GPHN: variants seen among roughly 807,000 people sequenced by gnomAD.
GPHN encodes the protein gephyrin.
Under a neutral mutation model 95.5 loss-of-function variants are expected in GPHN, and 17 were observed. The ratio of observed to expected loss-of-function variants is 0.18; its 90% CI spans 0.12 to 0.27. The LOEUF is 0.27. GPHN is among the 10% of genes least tolerant of loss of function. The pLI is 1.00. For missense variants in GPHN, 660 were observed against 978.1 expected, an observed-to-expected ratio of 0.67 and a Z score of 4.34; for synonymous variants, 320 against 322.5, an observed-to-expected ratio of 0.99 and a Z score of 0.08.
chr14:66,725,452 G>A (rs962681808), intron 2 of GPHN, among the ~76,000 whole-genome samples: 3 of 152,082 alleles, frequency 2.0e-5, no homozygotes, highest in African/African-American at 7.2e-5. Context: ...TTTTTCAAGT[G>A]AGGACAGGAC....
chr14:66,641,602 A>G (rs1023899940), intron 1 of GPHN, among the ~76,000 whole-genome samples: 3 of 151,930 alleles, frequency 2.0e-5, no homozygotes, highest in Non-Finnish European at 4.4e-5. Context: ...GGGAGAATTT[A>G]TGATGCTGTC....
the GPHN span, among the ~76,000 whole-genome samples, chr14:67,717,263 C>T: frequency 6.6e-6 from 1 of 152,112 alleles, no homozygotes; most frequent in African/African-American, 2.4e-5. Flanking sequence ...AGAACATTTC[C>T]ATCACCTCAG....
chr14:67,380,672 T>A, the GPHN span: 4 of 1,559,408 alleles, frequency 2.6e-6, no homozygotes, highest in South Asian at 4.9e-5. Flanking sequence ...CCCATCTATT[T>A]TGGATAGTTT....
intron 3 of GPHN, among the ~76,000 whole-genome samples, chr14:66,797,669 G>A (rs1595933065): frequency 1.3e-5 from 2 of 151,814 alleles, no homozygotes; most frequent in East Asian, 3.8e-4. Context: ...ATTTTTGTAT[G>A]TTGATTTTGT....
At chr14:67,478,547 C>T in the GPHN span, among the ~76,000 whole-genome samples, 5 of 151,820 alleles carry the variant, frequency 3.3e-5, no homozygotes, top group Admixed American at 1.3e-4. Flanking sequence ...AATGCAAATC[C>T]GATGTTTCTC....
At chr14:66,697,730 C>T (rs1170339111) in intron 2 of GPHN, among the ~76,000 whole-genome samples, 4 of 145,072 alleles carry the variant, frequency 2.8e-5, no homozygotes, top group African/African-American at 5.3e-5. Context: ...CTCTTTCACT[C>T]AGGCTGGAGT....
chr14:66,698,047 G>A (rs936093939), intron 2 of GPHN, among the ~76,000 whole-genome samples: 5 of 151,988 alleles, frequency 3.3e-5, no homozygotes, highest in African/African-American at 9.7e-5. Context: ...TGACCCATTC[G>A]AAAGCACTTT....
chr14:66,902,514 G>C (rs1423509536), intron 5 of GPHN, among the ~76,000 whole-genome samples: 1 of 151,964 alleles, frequency 6.6e-6, no homozygotes, highest in African/African-American at 2.4e-5. Flanking sequence ...GTCATATATG[G>C]TCTTTATTAT....
intron 2 of GPHN, among the ~76,000 whole-genome samples, chr14:66,742,567 G>A (rs751081298): frequency 3.3e-5 from 5 of 152,092 alleles, no homozygotes; most frequent in Non-Finnish European, 7.4e-5. Context: ...TAGAAGAAAC[G>A]GTGACAGTTT....
At chr14:67,217,334 G>A in the GPHN span, among the ~76,000 whole-genome samples, 1 of 152,082 alleles carries the variant, frequency 6.6e-6, no homozygotes, top group Non-Finnish European at 1.5e-5. Context: ...GCAGCATATA[G>A]TTGGGTCATT....
intron 10 of GPHN, among the ~76,000 whole-genome samples, chr14:67,029,821 G>A (rs1050558420): frequency 3.3e-5 from 5 of 152,184 alleles, no homozygotes; most frequent in African/African-American, 1.2e-4. Context: ...TTAGGACTAT[G>A]ATTAGGGTAT....
At chr14:67,375,469 G>C in the GPHN span, among the ~76,000 whole-genome samples, 1 of 150,890 alleles carries the variant, frequency 6.6e-6, no homozygotes, top group East Asian at 1.9e-4. Flanking sequence ...TGTTTTCTTT[G>C]CCCTTCTCTG....
intron 5 of GPHN, among the ~76,000 whole-genome samples, chr14:66,884,430 G>T (rs1186949829): frequency 3.3e-5 from 5 of 152,160 alleles, no homozygotes; most frequent in Admixed American, 6.6e-5. Flanking sequence ...TTTAATACCA[G>T]ATCCCTGACT....
chr14:66,508,499 C>A lies in GPHN; in HGVS notation c.-29C>A. 6.2e-7 allele frequency: 1 copy of A among 1,610,590 alleles called. No homozygotes were observed. The highest frequency in any genetic ancestry group is 8.5e-7 in the Non-Finnish European group (1 of 1,176,764). ...TCCGGGCTCCGGTTTCTCCCGGCTC[C>A]TGTCAGTGCGGTGACTGCGCTGGGA... On this transcript the variant is annotated 5_prime_UTR_variant, in exon 1 of 23. In the 5' UTR this introduces an upstream ATG that the reference lacks. Coordinates refer to ENST00000478722, the MANE Select transcript of GPHN (RefSeq NM_020806.5).
the GPHN span, among the ~76,000 whole-genome samples, chr14:67,664,211 G>A: frequency 0.45 from 68,399 of 152,042 alleles, 17,942 homozygotes; most frequent in Non-Finnish European, 0.61. Context: ...CATTCACACC[G>A]TTGTGGAGCC....
At chr14:67,387,288 A>G in the GPHN span, 2 of 1,582,048 alleles carry the variant, frequency 1.3e-6, no homozygotes, top group South Asian at 1.2e-5. Flanking sequence ...TGTCTGTGTC[A>G]TCTGGTAGGA....
the GPHN span, among the ~76,000 whole-genome samples, chr14:67,699,673 C>CT: frequency 1.4e-3 from 197 of 142,022 alleles, 2 homozygotes; most frequent in Middle Eastern, 3.7e-3. Context: ...CTTTTTAAAG[C>CT]TTTTTTTTTT....
intron 4 of GPHN, among the ~76,000 whole-genome samples, chr14:66,844,299 G>C (rs1337883719): frequency 6.6e-6 from 1 of 152,004 alleles, no homozygotes; most frequent in African/African-American, 2.4e-5. Context: ...AAAGTACTTG[G>C]CATCTAAAAA....
chr14:66,640,116 T>C (rs1273103608), intron 1 of GPHN, among the ~76,000 whole-genome samples: 2 of 152,174 alleles, frequency 1.3e-5, no homozygotes, highest in Admixed American at 6.5e-5. Context: ...AGATAATTTT[T>C]TGTGGCCTAA....
Sources: gnomAD v4.1 joint callset for allele counts (sites outside exome capture counted in the v4.1 genomes callset) on GRCh38, gnomAD v4.1.1 for gene constraint, MANE v1.5 for transcripts, NCBI Gene and HGNC (gene_info 2026-07-23, HGNC 2026-07-21) for gene names.